Variants in GUCY1A1 observed in about 807,000 individuals in gnomAD.
GUCY1A1 encodes the protein guanylate cyclase soluble subunit alpha-1.
GUCY1A1 carries 48 observed loss-of-function variants against 64.5 expected under a neutral mutation model. The observed-to-expected ratio is 0.74, with a 90% CI of 0.59 to 0.95. GUCY1A1 has a LOEUF of 0.95. Among genes scored for constraint, GUCY1A1 ranks in the 40% least tolerant of loss-of-function variants. The probability of loss-of-function intolerance (pLI) is 0.00; values close to 1 mark genes in which losing one functional copy is unlikely to be tolerated. For missense variants in GUCY1A1, 804 were observed against 825.3 expected (o/e 0.97, Z 0.32); for synonymous variants, 308 against 303.4 (o/e 1.02, Z -0.16).
chr4:155,734,878 T>A lies in GUCY1A1; in HGVS notation c.*4647T>A, dbSNP rs568141035. On this transcript the variant is annotated 3_prime_UTR_variant, in exon 10 of 10. Coordinates refer to ENST00000506455, the MANE Select transcript of GUCY1A1 (RefSeq NM_001130682.3). The stretch of plus-strand genomic sequence containing the variant: ...ATACTTTTCAAGACCTGGGAAATAT[T>A]TGTATCCTTTAGTGAAAAGGGGAAG... 1 of 151,924 alleles carries A rather than the reference T, an allele frequency of 6.6e-6. No individual in the cohort carries two copies. The highest frequency in any genetic ancestry group is 1.5e-5 in the Non-Finnish European group (1 of 67,922). The allele number at this position is 151,924 out of a possible 1,614,324, so 9.4% of individuals were successfully genotyped here.
chr4:155,671,701 T>C (rs1426684338), intron 2 of GUCY1A1, among the ~76,000 whole-genome samples: 1 of 152,190 alleles, frequency 6.6e-6, no homozygotes, highest in South Asian at 2.1e-4. Context: ...TCTTTTCTTA[T>C]ATTCAGCTAT....
intron 2 of GUCY1A1, among the ~76,000 whole-genome samples, chr4:155,671,531 T>G (rs2126501398): frequency 6.6e-6 from 1 of 152,234 alleles, no homozygotes; most frequent in Admixed American, 6.5e-5. Context: ...TTTTTCCAGG[T>G]TTTCTAGTCT....
chr4:155,682,177 C>G (rs1321907279), intron 2 of GUCY1A1, among the ~76,000 whole-genome samples: 1 of 151,836 alleles, frequency 6.6e-6, no homozygotes, highest in Non-Finnish European at 1.5e-5. Context: ...GTGGCGTGCC[C>G]CTTGCCAAAA....
intron 4 of GUCY1A1, among the ~76,000 whole-genome samples, chr4:155,705,270 A>G (rs1412537481): frequency 6.6e-6 from 1 of 152,228 alleles, no homozygotes; most frequent in Non-Finnish European, 1.5e-5. Flanking sequence ...CAGAAAATGT[A>G]ATAGGGGCCA....
At position 155,715,031 on chromosome 4, in the gene GUCY1A1, T is replaced by C. The variant is rs115133718; in HGVS notation, c.1572+1448T>C. Among the ~76,000 whole-genome samples, 1,160 of 152,342 alleles carry C rather than the reference T, an allele frequency of 7.6e-3. 13 individuals are homozygous for C. Among genetic ancestry groups the C allele is most frequent in the South Asian group, 0.024 (116 of 4,828 alleles). ...TTATTTCTATCAAGGATATAGGGTA[T>C]AGTTTTTAAGTATCCTGACAAGCAT... On this transcript the variant is annotated intron_variant, in intron 7 of 9. Transcript: ENST00000506455.
intron 2 of GUCY1A1, among the ~76,000 whole-genome samples, chr4:155,681,954 C>A (rs914921800): frequency 6.6e-6 from 1 of 152,230 alleles, no homozygotes; most frequent in Non-Finnish European, 1.5e-5. Flanking sequence ...AACATCCTTT[C>A]TCTCAGGCCT....
intron 2 of GUCY1A1, among the ~76,000 whole-genome samples, chr4:155,669,185 G>A (rs995358587): frequency 2.6e-5 from 4 of 152,052 alleles, no homozygotes; most frequent in African/African-American, 9.7e-5. Context: ...TTAGGAAACA[G>A]GTCTGTGAAC....
intron 2 of GUCY1A1, among the ~76,000 whole-genome samples, chr4:155,668,547 G>A (rs1472230168): frequency 6.6e-6 from 1 of 152,074 alleles, no homozygotes; most frequent in Non-Finnish European, 1.5e-5. Flanking sequence ...CCACTTACTA[G>A]AACTGTCTTT....
chr4:155,669,983 A>C (rs187331390), intron 2 of GUCY1A1, among the ~76,000 whole-genome samples: 1 of 152,292 alleles, frequency 6.6e-6, no homozygotes, highest in Non-Finnish European at 1.5e-5. Context: ...CATCAGAATG[A>C]ATCTCTACAA....
At position 155,731,294 on chromosome 4, in the gene GUCY1A1, A is replaced by C. The variant is rs1735515564; in HGVS notation, c.*1063A>C. 6.6e-6 allele frequency: 1 copy of C among 151,844 alleles called. No homozygotes were observed. The highest frequency in any genetic ancestry group is 2.1e-4 in the South Asian group (1 of 4,826). 9.4% of individuals were successfully genotyped at this position (151,844 alleles called of 1,614,324 possible). A position where few individuals can be genotyped will look rare whatever the true frequency, so the allele number is the denominator to read the frequency against. ...AAAATAAGACTTGTTCTTTTGGTGG[A>C]TATCTCATTTTTCTTGAGTATTTGT... is the stretch of plus-strand genomic sequence containing the variant. On this transcript the variant is annotated 3_prime_UTR_variant, in exon 10 of 10. Coordinates refer to ENST00000506455, the MANE Select transcript of GUCY1A1 (RefSeq NM_001130682.3).
chr4:155,718,137 C>T (rs1053732495), intron 8 of GUCY1A1, among the ~76,000 whole-genome samples: 5 of 152,124 alleles, frequency 3.3e-5, no homozygotes, highest in African/African-American at 9.7e-5. Flanking sequence ...AAGCAGATTA[C>T]CTTTGTCTCA....
At position 155,730,177 on chromosome 4, in the gene GUCY1A1, A is replaced by C. The variant is rs1416502219; in HGVS notation, c.2019A>C (p.Lys673Asn). The change falls in exon 10 of 10, where the codon AAA (lysine) becomes AAC (asparagine). Residue 673 changes from lysine (K) to asparagine (N), a missense_variant. Lys to Asn is a moderately conservative substitution (Grantham distance 94). Coordinates refer to ENST00000506455, the MANE Select transcript of GUCY1A1 (RefSeq NM_001130682.3). Reference sequence around the variant, plus strand: ...ACTCAAAACCATGCTTCCAAAAGAAAGATGTGGAAGATGGCAATGCCAATT... The same window carrying C: ...ACTCAAAACCATGCTTCCAAAAGAACGATGTGGAAGATGGCAATGCCAATT... Reference protein sequence around the residue: ...GTNSKPCFQKKDVEDGNANFL... With the variant: ...GTNSKPCFQKNDVEDGNANFL... 5 of 1,611,472 alleles carry C rather than the reference A, an allele frequency of 3.1e-6. No homozygotes were observed. The African/African-American group carries it at 6.7e-5, about 22-fold the overall frequency.
intron 2 of GUCY1A1, among the ~76,000 whole-genome samples, chr4:155,684,067 C>T (rs1736198366): frequency 6.6e-6 from 1 of 152,174 alleles, no homozygotes; most frequent in South Asian, 2.1e-4. Flanking sequence ...TCTTCCAGTT[C>T]TAAACTCCTA....
intron 2 of GUCY1A1, among the ~76,000 whole-genome samples, chr4:155,682,365 A>G (rs1243407198): frequency 6.6e-6 from 1 of 152,190 alleles, no homozygotes; most frequent in Non-Finnish European, 1.5e-5. Flanking sequence ...GCTATTTAAT[A>G]AAATTTCTTA....
intron 2 of GUCY1A1, among the ~76,000 whole-genome samples, chr4:155,695,292 A>G (rs1320525688): frequency 2.0e-5 from 3 of 152,100 alleles, no homozygotes; most frequent in African/African-American, 7.2e-5. Flanking sequence ...ACATGTGACA[A>G]TTTACAGGCT....
intron 2 of GUCY1A1, among the ~76,000 whole-genome samples, chr4:155,683,482 C>T (rs1011107014): frequency 6.6e-6 from 1 of 152,082 alleles, no homozygotes; most frequent in Admixed American, 6.5e-5. Flanking sequence ...ATTGGCAGTC[C>T]CAAAGTTGGA....
At chr4:155,705,724 A>G (rs919933378) in intron 4 of GUCY1A1, among the ~76,000 whole-genome samples, 2 of 152,120 alleles carry the variant, frequency 1.3e-5, no homozygotes, top group Middle Eastern at 3.2e-3. Flanking sequence ...TCTCCTACTC[A>G]TGAGTGATCA....
chr4:155,711,556 G>T (rs1327727053), intron 6 of GUCY1A1, among the ~76,000 whole-genome samples: 1 of 152,114 alleles, frequency 6.6e-6, no homozygotes, highest in African/African-American at 2.4e-5. Flanking sequence ...TCAAATAGCT[G>T]ACTTAGGTTG....
At chr4:155,720,239 A>C (rs1004772752) in intron 8 of GUCY1A1, among the ~76,000 whole-genome samples, 1 of 152,140 alleles carries the variant, frequency 6.6e-6, no homozygotes, top group Non-Finnish European at 1.5e-5. Context: ...TATAGGAAGA[A>C]AAACTGGTTT....
Sources: gnomAD v4.1 joint callset for allele counts (sites outside exome capture counted in the v4.1 genomes callset) on GRCh38, gnomAD v4.1.1 for gene constraint, MANE v1.5 for transcripts, NCBI Gene and HGNC (gene_info 2026-07-23, HGNC 2026-07-21) for gene names.